Variants in CDK19 observed in about 807,000 individuals in gnomAD.
CDK19 encodes the protein cyclin-dependent kinase 19.
CDK19 carries 20 observed loss-of-function variants against 68.3 expected under a neutral mutation model. The ratio of observed to expected loss-of-function variants is 0.29; its 90% confidence interval spans 0.21 to 0.43. The LOEUF (loss-of-function observed/expected upper bound fraction) is 0.43, where lower values mean the gene tolerates loss of function less well. Ranked by LOEUF, CDK19 falls within the 20% of genes least tolerant of loss-of-function variation. The pLI is 1.00. For synonymous variants in CDK19, 221 were observed against 222.8 expected (o/e 0.99, Z 0.07); for missense variants, 339 against 623.5 (o/e 0.54, Z 4.86).
chr6:110,760,603 C>T (rs1389056099), intron 1 of CDK19, among the ~76,000 whole-genome samples: 1 of 151,976 alleles, frequency 6.6e-6, no homozygotes, highest in Non-Finnish European at 1.5e-5. Flanking sequence ...GTGGCACATG[C>T]CTGTAGTCCC....
intron 4 of CDK19, among the ~76,000 whole-genome samples, chr6:110,640,231 C>CAAAAAAA (rs59703376): frequency 2.5e-5 from 2 of 80,712 alleles, no homozygotes; most frequent in African/African-American, 4.7e-5. Flanking sequence ...GACCCTGTCA[C>CAAAAAAA]AAAAAAAAAA....
rs4072547 is a variant in CDK19 at position 110,707,517 on chromosome 6, T to G, written c.205-36976A>C. On this transcript the variant is annotated intron_variant, in intron 2 of 12. Transcript: ENST00000368911. ...GTATATGCACACAAACATACAATATTTTCACTAAAAAATGGGAACACACTA... is the reference window on the plus strand; with the variant it reads ...GTATATGCACACAAACATACAATATGTTCACTAAAAAATGGGAACACACTA... Among the ~76,000 whole-genome samples, 3,291 of 152,166 alleles carry G rather than the reference T, an allele frequency of 0.022. 367 individuals carry two copies. In the East Asian group the frequency reaches 0.36, roughly 16 times the overall value.
rs1383826532 is a variant in CDK19 at position 110,779,147 on chromosome 6, T to G, written c.129-32946A>C. 2.0e-5 allele frequency among the ~76,000 whole-genome samples: 3 copies of G among 152,286 alleles called. No homozygotes were observed. The East Asian group carries it at 5.8e-4, about 29-fold the overall frequency. On this transcript the variant is annotated intron_variant, in intron 1 of 12. Coordinates refer to ENST00000368911, the MANE Select transcript of CDK19 (RefSeq NM_015076.5). ...TAAATTCCTTATCTTGGCACATGAT[T>G]CCTTATCTTTCATGATTCCTTTGAC... is the stretch of plus-strand genomic sequence containing the variant.
intron 1 of CDK19, among the ~76,000 whole-genome samples, chr6:110,753,889 T>C (rs1228067312): frequency 5.9e-5 from 9 of 152,148 alleles, no homozygotes; most frequent in Non-Finnish European, 1.3e-4. Context: ...TGATAATATT[T>C]CCCCAAGCTT....
At chr6:110,644,588 T>C (rs927173835) in intron 4 of CDK19, among the ~76,000 whole-genome samples, 2 of 152,188 alleles carry the variant, frequency 1.3e-5, no homozygotes, top group African/African-American at 4.8e-5. Context: ...TTGTGATTAT[T>C]ACACATTGCA....
At chr6:110,638,467 T>G (rs931729020) in intron 5 of CDK19, among the ~76,000 whole-genome samples, 182 bp downstream of exon 5, 2 of 152,208 alleles carry the variant, frequency 1.3e-5, no homozygotes, top group Non-Finnish European at 2.9e-5. Flanking sequence ...CTAAAGAATC[T>G]TATTTTGGGA....
At chr6:110,771,957 T>C (rs1351420677) in intron 1 of CDK19, among the ~76,000 whole-genome samples, 1 of 152,190 alleles carries the variant, frequency 6.6e-6, no homozygotes, top group African/African-American at 2.4e-5. Context: ...CTTGTCCTTA[T>C]CACTATCAGC....
chr6:110,631,964 T>C (rs1463098367), intron 6 of CDK19, 66 bp downstream of exon 6: 2 of 1,426,470 alleles, frequency 1.4e-6, no homozygotes, highest in East Asian at 2.3e-5. Flanking sequence ...GTAGCTTTAT[T>C]ATTATACCAT....
At chr6:110,622,645 C>T (rs1778789812) in intron 10 of CDK19, among the ~76,000 whole-genome samples, 170 bp downstream of exon 10, 1 of 152,222 alleles carries the variant, frequency 6.6e-6, no homozygotes, top group Non-Finnish European at 1.5e-5. Context: ...TCATTCATCC[C>T]TCTCTGCAGC....
chr6:110,624,516 C>T (rs181364320), intron 8 of CDK19, among the ~76,000 whole-genome samples: 328 of 152,238 alleles, frequency 2.2e-3, no homozygotes, highest in Middle Eastern at 0.017. Context: ...AAAAAAACCA[C>T]TGACAAAATT....
intron 1 of CDK19, among the ~76,000 whole-genome samples, chr6:110,771,201 C>A (rs1026238094): frequency 6.6e-6 from 1 of 152,222 alleles, no homozygotes; most frequent in African/African-American, 2.4e-5. Flanking sequence ...TTCTGCACTG[C>A]CCTAACAGAG....
chr6:110,708,348 C>G (rs1774685471), intron 2 of CDK19, among the ~76,000 whole-genome samples: 1 of 152,188 alleles, frequency 6.6e-6, no homozygotes, highest in South Asian at 2.1e-4. Flanking sequence ...TCCTGAAGGC[C>G]ACCCTCCACA....
At chr6:110,646,265 C>G (rs1470386241) in intron 4 of CDK19, 1 of 1,503,284 alleles carries the variant, frequency 6.7e-7, no homozygotes. Flanking sequence ...CACATAGTTG[C>G]GTGTGCTGCC....
Position 110,621,179 on chromosome 6 carries a change from C to T in CDK19, c.1302G>A (p.Val434=), listed in dbSNP as rs775526228. The change falls in exon 12 of 13, where the codon GTG becomes GTA. Residue 434 remains valine, a synonymous_variant. Transcript: ENST00000368911. The surrounding 1 kb of genome is among the most constrained non-coding windows in gnomAD (Gnocchi z 5.4). ...CTAGCCGTGGCTTCTTGTTTGGAGG[C>T]ACCTGGTTCAGGCTGGAGTCCTGGC... ...QHSQDSSLNQ[V]PPNKKPRLGP... 1.2e-5 allele frequency: 20 copies of T among 1,614,128 alleles called. No homozygotes were observed. Among genetic ancestry groups the T allele is most frequent in the Non-Finnish European group, 1.5e-5 (18 of 1,180,048 alleles).
chr6:110,637,127 G>C (rs553559542), intron 5 of CDK19, among the ~76,000 whole-genome samples: 1 of 152,206 alleles, frequency 6.6e-6, no homozygotes, highest in Admixed American at 6.5e-5. Flanking sequence ...TATTTTCAGA[G>C]GGTGGTTGTG....
At chr6:110,655,289 C>T (rs2114304384) in intron 4 of CDK19, among the ~76,000 whole-genome samples, 2 of 151,892 alleles carry the variant, frequency 1.3e-5, no homozygotes. Flanking sequence ...TTGCTTGAAC[C>T]CAGGAGGCAG....
At chr6:110,796,628 A>C (rs142090383) in intron 1 of CDK19, among the ~76,000 whole-genome samples, 7 of 152,096 alleles carry the variant, frequency 4.6e-5, no homozygotes, top group Admixed American at 2.6e-4. Flanking sequence ...CAACCTGAGC[A>C]ATATAGTGAG....
intron 2 of CDK19, among the ~76,000 whole-genome samples, chr6:110,721,034 T>C (rs1388291704): frequency 3.3e-5 from 5 of 151,988 alleles, no homozygotes; most frequent in Admixed American, 3.3e-4. Flanking sequence ...GGTCAGCAGT[T>C]TGACACCAGC....
At chr6:110,781,558 T>C (rs979927094) in intron 1 of CDK19, among the ~76,000 whole-genome samples, 2 of 152,054 alleles carry the variant, frequency 1.3e-5, no homozygotes, top group African/African-American at 4.8e-5. Flanking sequence ...AAGACCCGAT[T>C]CGGGCTGGGT....
Sources: gnomAD v4.1 joint callset for allele counts (sites outside exome capture counted in the v4.1 genomes callset) on GRCh38, gnomAD v4.1.1 for gene constraint, Gnocchi (gnomAD v3.1) non-coding constraint, MANE v1.5 for transcripts, NCBI Gene and HGNC (gene_info 2026-07-23, HGNC 2026-07-21) for gene names.